Variants in SOX6 observed in about 807,000 individuals in gnomAD.
SOX6 encodes the protein SRY-box transcription factor 6.
Under a neutral mutation model 97.8 loss-of-function variants are expected in SOX6, and 11 were observed. That is an observed-to-expected ratio of 0.11 (90% CI 0.07 to 0.19). The LOEUF is 0.19. Ranked by LOEUF, SOX6 falls within the 10% of genes least tolerant of loss-of-function variation. SOX6 has a pLI of 1.00. For missense variants in SOX6, 810 were observed against 1,039.5 expected (o/e 0.78, Z 3.04); for synonymous variants, 360 against 371.4 (o/e 0.97, Z 0.35).
At chr11:16,099,438 C>T (rs1848882998) in intron 7 of SOX6, among the ~76,000 whole-genome samples, 1 of 151,490 alleles carries the variant, frequency 6.6e-6, no homozygotes, top group Non-Finnish European at 1.5e-5. Flanking sequence ...ATTAATGATG[C>T]TTCAAAAATA....
chr11:16,452,507 G>A (rs1859737292), intron 1 of SOX6, among the ~76,000 whole-genome samples: 1 of 152,164 alleles, frequency 6.6e-6, no homozygotes, highest in African/African-American at 2.4e-5. Context: ...GGAAAGTTAA[G>A]TTCAAATGAA....
intron 5 of SOX6, among the ~76,000 whole-genome samples, chr11:16,184,674 T>C (rs980269881): frequency 6.6e-6 from 1 of 152,112 alleles, no homozygotes; most frequent in African/African-American, 2.4e-5. Flanking sequence ...TAAAAAGAAA[T>C]GTTAACCATT....
intron 4 of SOX6, among the ~76,000 whole-genome samples, chr11:16,218,259 T>C (rs1027096729): frequency 1.3e-5 from 2 of 152,114 alleles, no homozygotes; most frequent in South Asian, 4.1e-4. Context: ...ACCACTTTAT[T>C]GCTAGATTAA....
intron 3 of SOX6, among the ~76,000 whole-genome samples, chr11:16,652,775 A>AATT: frequency 6.6e-6 from 1 of 152,338 alleles, no homozygotes; most frequent in Admixed American, 6.5e-5. Context: ...GACCTAATTA[A>AATT]ACTAAAAAGC....
intron 4 of SOX6, among the ~76,000 whole-genome samples, chr11:16,586,385 T>C (rs1272239562): frequency 6.6e-6 from 1 of 152,136 alleles, no homozygotes; most frequent in East Asian, 1.9e-4. Flanking sequence ...GACCTACTAC[T>C]GGATGCAATA....
intron 4 of SOX6, among the ~76,000 whole-genome samples, chr11:16,588,125 T>C (rs1451851737): frequency 6.6e-6 from 1 of 152,230 alleles, no homozygotes; most frequent in Non-Finnish European, 1.5e-5. Flanking sequence ...TCTACTAGCA[T>C]GAATTCATAT....
chr11:16,354,343 A>G (rs993392620), intron 1 of SOX6, among the ~76,000 whole-genome samples: 1 of 152,060 alleles, frequency 6.6e-6, no homozygotes, highest in Non-Finnish European at 1.5e-5. Context: ...ATCCTTAAAG[A>G]AAAAGATTCT....
At chr11:16,590,668 A>T (rs1395605663) in intron 4 of SOX6, among the ~76,000 whole-genome samples, 1 of 152,176 alleles carries the variant, frequency 6.6e-6, no homozygotes, top group African/African-American at 2.4e-5. Context: ...ACTGGAGGTC[A>T]TAATGTTCAG....
intron 4 of SOX6, among the ~76,000 whole-genome samples, chr11:16,513,367 T>C (rs570868692): frequency 7.9e-5 from 12 of 152,296 alleles, no homozygotes; most frequent in East Asian, 5.8e-4. Flanking sequence ...GCACAGTGGC[T>C]CAGGCCTGTA....
At chr11:16,332,403 CTG>C (rs1319883838) in intron 2 of SOX6, among the ~76,000 whole-genome samples, 1 of 152,122 alleles carries the variant, frequency 6.6e-6, no homozygotes, top group Non-Finnish European at 1.5e-5. Context: ...CATAATCTAC[CTG>C]TGCTTGAATG....
At chr11:16,182,950 A>C (rs1268568544) in intron 6 of SOX6, among the ~76,000 whole-genome samples, 1 of 151,816 alleles carries the variant, frequency 6.6e-6, no homozygotes, top group East Asian at 1.9e-4. Context: ...CCTCAAGAAA[A>C]GTAATAACAT....
intron 3 of SOX6, among the ~76,000 whole-genome samples, chr11:16,636,570 T>C (rs891096333): frequency 6.6e-6 from 1 of 152,276 alleles, no homozygotes; most frequent in African/African-American, 2.4e-5. Context: ...TGGGAAGGCA[T>C]GATTGTATTT....
chr11:16,302,598 T>G (rs2134276222), intron 3 of SOX6, among the ~76,000 whole-genome samples: 2 of 132,684 alleles, frequency 1.5e-5, no homozygotes, highest in Admixed American at 8.7e-5. Context: ...TGAGAGGCAG[T>G]CTCGCTCTGT....
chr11:16,570,907 G>A (rs1168186747), intron 4 of SOX6, among the ~76,000 whole-genome samples: 1 of 152,048 alleles, frequency 6.6e-6, no homozygotes, highest in Non-Finnish European at 1.5e-5. Flanking sequence ...AACAATATTG[G>A]TAATATAAAT....
intron 3 of SOX6, among the ~76,000 whole-genome samples, chr11:16,245,303 A>G (rs1853305234): frequency 6.6e-6 from 1 of 151,784 alleles, no homozygotes; most frequent in African/African-American, 2.4e-5. Context: ...TATACCCATT[A>G]TAGTTTCATT....
chr11:16,567,092 G>A (rs1276760675), intron 4 of SOX6, among the ~76,000 whole-genome samples: 9 of 152,280 alleles, frequency 5.9e-5, no homozygotes, highest in East Asian at 5.8e-4. Flanking sequence ...GGCACTATAA[G>A]TAGAAAATTC....
chr11:16,247,257 T>C (rs1853364732), intron 3 of SOX6, among the ~76,000 whole-genome samples: 1 of 152,216 alleles, frequency 6.6e-6, no homozygotes, highest in Non-Finnish European at 1.5e-5. Context: ...TTTTTATCGC[T>C]GAATAATATT....
intron 10 of SOX6, among the ~76,000 whole-genome samples, chr11:16,054,235 T>A (rs571743608): frequency 1.1e-3 from 166 of 152,280 alleles, no homozygotes; most frequent in African/African-American, 3.6e-3. Context: ...TGTTAAAATA[T>A]TTAATACTCA....
At chr11:16,497,838 T>C (rs971195341) in intron 4 of SOX6, among the ~76,000 whole-genome samples, 1 of 152,234 alleles carries the variant, frequency 6.6e-6, no homozygotes, top group African/African-American at 2.4e-5. Context: ...AATCTACGTC[T>C]GATTCGTGTA....
Sources: gnomAD v4.1 joint callset for allele counts (sites outside exome capture counted in the v4.1 genomes callset) on GRCh38, gnomAD v4.1.1 for gene constraint, MANE v1.5 for transcripts, NCBI Gene and HGNC (gene_info 2026-07-23, HGNC 2026-07-21) for gene names.